Variants in PWWP3A observed in about 807,000 individuals in gnomAD.
The protein encoded by PWWP3A is PWWP domain-containing DNA repair factor 3A.
In PWWP3A, 53 loss-of-function variants were observed where a neutral mutation model predicts 79.0. The ratio of observed to expected loss-of-function variants is 0.67; its 90% confidence interval spans 0.54 to 0.84. The LOEUF (loss-of-function observed/expected upper bound fraction) is 0.84. PWWP3A is among the 40% of genes least tolerant of loss of function. PWWP3A has a pLI of 0.00. For synonymous variants in PWWP3A, 443 were observed against 394.4 expected (o/e 1.12, Z -1.46); for missense variants, 973 against 948.0 (o/e 1.03, Z -0.35).
At chr19:1,367,023 C>A in intron 8 of PWWP3A, 137 bp from the exon 9 acceptor site, 1 of 656,660 alleles carries the variant, frequency 1.5e-6, no homozygotes, top group Non-Finnish European at 2.6e-6. Flanking sequence ...GCTGGGGAAA[C>A]GGTCACCTTC....
In PWWP3A at chr19:1,360,934, C is replaced by T; in HGVS notation, c.1013C>T (p.Thr338Ile). 1.1e-5 allele frequency: 17 copies of T among 1,524,202 alleles called. No individual in the cohort carries two copies. The highest frequency in any genetic ancestry group is 1.5e-5 in the Non-Finnish European group (17 of 1,135,034). 94.4% of individuals were successfully genotyped at this position (1,524,202 alleles called of 1,614,324 possible). ...GGGCCAGGGCCCAGAGAGTCTGTGACCCCGCGCAGCACCGCCAGGCTGGGC... is the reference window on the plus strand; with the variant it reads ...GGGCCAGGGCCCAGAGAGTCTGTGATCCCGCGCAGCACCGCCAGGCTGGGC... ...GPGPGPRESV[T>I]PRSTARLGPP... The change falls in exon 5 of 14, where the codon ACC becomes ATC. Residue 338 changes from threonine to isoleucine, a missense_variant. Physicochemically the swap from Thr to Ile is moderately conservative, Grantham distance 89. Coordinates refer to ENST00000591337, the MANE Select transcript of PWWP3A (RefSeq NM_001369789.1). This position sits in a 1 kb window ranked among gnomAD's most constrained non-coding sequence, Gnocchi z 4.4.
intron 13 of PWWP3A, among the ~76,000 whole-genome samples, chr19:1,375,806 ATTTAT>A (rs1568966990): frequency 1.6e-5 from 1 of 63,250 alleles, no homozygotes; most frequent in Non-Finnish European, 3.2e-5. Context: ...ATATGTATTT[ATTTAT>A]TTTTTTTTTT....
chr19:1,356,552 T>C, intron 2 of PWWP3A, 103 bp downstream of exon 2: 1 of 1,167,786 alleles, frequency 8.6e-7, no homozygotes, highest in East Asian at 2.4e-5. Flanking sequence ...GTGAAATAAT[T>C]GAGCCAGAAC....
rs749633979 is a variant in PWWP3A, at chr19:1,360,832, G to T, written c.911G>T (p.Arg304Leu). 4 of 1,563,980 alleles carry T rather than the reference G, an allele frequency of 2.6e-6. No homozygotes were observed. Among genetic ancestry groups the T allele is most frequent in the Non-Finnish European group, 3.5e-6 (4 of 1,156,048 alleles). ...GAATGCCCTGCGAAAAAGAGGCCGC[G>T]CCTGGATGGCAGCCAAAGGCCGCCT... ...PGECPAKKRP[R>L]LDGSQRPPAV... is the part of the protein sequence containing the mutation. Residue 304 changes from arginine (R) to leucine (L), a missense_variant, in exon 5 of 14, where the codon CGC becomes CTC. By Grantham distance (102) the Arg-to-Leu change is moderately radical (BLOSUM62 -2). Coordinates refer to ENST00000591337, the MANE Select transcript of PWWP3A (RefSeq NM_001369789.1). The surrounding 1 kb of genome is among the most constrained non-coding windows in gnomAD (Gnocchi z 4.4).
intron 12 of PWWP3A, chr19:1,371,358 T>C (rs2082256081): frequency 2.8e-6 from 2 of 703,614 alleles, no homozygotes; most frequent in Non-Finnish European, 5.2e-6. Flanking sequence ...CCCTCCCTAC[T>C]GCGGGCGCAC....
intron 13 of PWWP3A, chr19:1,374,228 T>A (rs1209044286): frequency 3.9e-5 from 6 of 152,130 alleles, no homozygotes; most frequent in Admixed American, 3.9e-4. Flanking sequence ...CAAAACCCGT[T>A]AGGAGTTCAT....
At chr19:1,363,349 C>T (rs1375546857) in intron 6 of PWWP3A, among the ~76,000 whole-genome samples, 1 of 152,242 alleles carries the variant, frequency 6.6e-6, no homozygotes, top group East Asian at 1.9e-4. Context: ...TGATCCTTTT[C>T]CTCTGGGGTG....
chr19:1,360,256 CAGGT>C lies in PWWP3A; in HGVS notation c.338_341del (p.Gly113GlufsTer116), dbSNP rs1367417650. Reference sequence around the variant, plus strand: ...TGGAGTCAAGAAAGCTCTGCAGGGACAGGTAGAGCTGACCGGTCTCTGCGAGGGA... The same window carrying C: ...TGGAGTCAAGAAAGCTCTGCAGGGACAGAGCTGACCGGTCTCTGCGAGGGA... On this transcript the variant is annotated frameshift_variant, in exon 5 of 14. Coordinates refer to ENST00000591337, the MANE Select transcript of PWWP3A (RefSeq NM_001369789.1). LOFTEE classifies it high-confidence loss of function. The surrounding 1 kb of genome is among the most constrained non-coding windows in gnomAD (Gnocchi z 4.4). 2 of 1,614,074 alleles carry C rather than the reference CAGGT, an allele frequency of 1.2e-6. No individual in the cohort carries two copies.
chr19:1,355,889 A>T (rs994387414), intron 1 of PWWP3A, among the ~76,000 whole-genome samples: 4 of 151,220 alleles, frequency 2.6e-5, no homozygotes, highest in Admixed American at 1.3e-4. Context: ...TCTTTCAGGG[A>T]CATGGCAGCC....
At chr19:1,364,980 C>T (rs1325178702) in intron 7 of PWWP3A, among the ~76,000 whole-genome samples, 3 of 152,008 alleles carry the variant, frequency 2.0e-5, no homozygotes, top group East Asian at 1.9e-4. Context: ...ATTAGCCGGG[C>T]GTGGTGGCGT....
Position 1,360,645 on chromosome 19 carries a change from G to C in PWWP3A, c.724G>C (p.Asp242His), listed in dbSNP as rs113767687. Residue 242 changes from aspartate to histidine, a missense_variant, in exon 5 of 14, where the codon GAC becomes CAC. Asp to His is a moderately conservative substitution (Grantham distance 81). Coordinates refer to ENST00000591337, the MANE Select transcript of PWWP3A (RefSeq NM_001369789.1). The surrounding 1 kb of genome is among the most constrained non-coding windows in gnomAD (Gnocchi z 4.4). ...CCTTTCAGAGGACGACACGGAGAGA[G>C]ACATGGGGAGCAAAGGAGGCAGCTG... is the stretch of plus-strand genomic sequence containing the variant. ...SSLSEDDTER[D>H]MGSKGGSWAA... 6.6e-4 allele frequency: 1,058 copies of C among 1,613,436 alleles called. 6 individuals carry two copies. In the African/African-American group the frequency reaches 0.013, roughly 19 times the overall value.
intron 1 of PWWP3A, among the ~76,000 whole-genome samples, chr19:1,355,485 A>C (rs112966596): frequency 0.31 from 1,819 of 5,886 alleles, 83 homozygotes; most frequent in African/African-American, 0.42. Flanking sequence ...TGGATTCCCC[A>C]CCCCCAACCG....
rs1015484465 is a variant in PWWP3A at position 1,368,554 on chromosome 19, C to T, written c.1423-711C>T. Among the ~76,000 whole-genome samples, 3 of 152,162 alleles carry T rather than the reference C, an allele frequency of 2.0e-5. No individual in the cohort carries two copies. Among genetic ancestry groups the T allele is most frequent in the Non-Finnish European group, 4.4e-5 (3 of 68,022 alleles). On this transcript the variant is annotated intron_variant, in intron 9 of 13. Transcript: ENST00000591337. This position sits in a 1 kb window ranked among gnomAD's most constrained non-coding sequence, Gnocchi z 4.7. ...CTGGGATGTGCTTATGGGGTGCCCC[C>T]GTACCCCTAGTGGCCCTCGGCTCCA...
At chr19:1,357,334 A>G (rs2081896023) in intron 3 of PWWP3A, 3 of 412,872 alleles carry the variant, frequency 7.3e-6, no homozygotes, top group Non-Finnish European at 1.3e-5. Flanking sequence ...GATTGGTACA[A>G]ACACTGAATA....
At chr19:1,362,400 G>A (rs369356636) in intron 6 of PWWP3A, 49 bp downstream of exon 6, 5 of 1,489,930 alleles carry the variant, frequency 3.4e-6, no homozygotes, top group African/African-American at 2.8e-5. Context: ...GCGCTCAGAG[G>A]CAGCGGCGGC....
At position 1,366,363 on chromosome 19, in the gene PWWP3A, T is replaced by C. The variant is rs771369468; in HGVS notation, c.1343T>C (p.Met448Thr). Residue 448 changes from methionine (M) to threonine (T), a missense_variant, in exon 8 of 14, where the codon ATG becomes ACG. Transcript: ENST00000591337. ...AGTGTGCTATACATCGAAGGACACA[T>C]GAACCCGAAAATGAAAGGGTAACCC... ...KASVLYIEGH[M>T]NPKMKGFTVS... The C allele has an allele frequency of 1.5e-5, 24 of 1,614,096 alleles. No individual in the cohort carries two copies. Among genetic ancestry groups the C allele is most frequent in the Non-Finnish European group, 1.9e-5 (22 of 1,180,028 alleles).
chr19:1,359,929 C>G, intron 4 of PWWP3A: 1 of 482,634 alleles, frequency 2.1e-6, no homozygotes, highest in Non-Finnish European at 3.4e-6. Flanking sequence ...AAAAATGAAG[C>G]CTCGAATCCC....
Position 1,369,587 on chromosome 19 carries a change from C to T in PWWP3A, c.1499-9C>T, listed in dbSNP as rs1262337980. 7.4e-6 allele frequency: 12 copies of T among 1,614,206 alleles called. No homozygotes were observed. The South Asian group carries it at 1.2e-4, about 16-fold the overall frequency. On this transcript the variant is annotated splice_polypyrimidine_tract_variant and intron_variant, in intron 10 of 13. Coordinates refer to ENST00000591337, the MANE Select transcript of PWWP3A (RefSeq NM_001369789.1). This position sits in a 1 kb window ranked among gnomAD's most constrained non-coding sequence, Gnocchi z 4.0. Reference sequence around the variant, plus strand: ...CTACACAGTGCTCTCTCCCCTCCACCCCCTGCAGGCTGCGGGTCTTTTGCT... The same window carrying T: ...CTACACAGTGCTCTCTCCCCTCCACTCCCTGCAGGCTGCGGGTCTTTTGCT...
intron 6 of PWWP3A, 69 bp from the exon 7 acceptor site, chr19:1,364,440 C>T (rs759145063): frequency 8.4e-7 from 1 of 1,185,690 alleles, no homozygotes; most frequent in Non-Finnish European, 1.2e-6. Context: ...GGCTGTTACA[C>T]CTGGTGCTTG....
Sources: allele counts gnomAD v4.1 joint callset (sites outside exome capture counted in the v4.1 genomes callset), GRCh38; gene constraint gnomAD v4.1.1; non-coding constraint Gnocchi (gnomAD v3.1); transcripts MANE v1.5; gene names NCBI Gene and HGNC (gene_info 2026-07-23, HGNC 2026-07-21).